The following NUP62CL variants were observed in gnomAD, a reference collection of about 807,000 sequenced individuals.
NUP62CL encodes nucleoporin 62 C-terminal like.
NUP62CL carries 13 observed loss-of-function variants against 15.3 expected under a neutral mutation model. The observed-to-expected ratio is 0.85, with a 90% CI of 0.55 to 1.35. The LOEUF (loss-of-function observed/expected upper bound fraction) is 1.35. Among genes scored for constraint, NUP62CL ranks in the 40% most tolerant of loss-of-function variants. NUP62CL has a pLI of 0.00. For synonymous variants in NUP62CL, 54 were observed against 49.2 expected (o/e 1.10, Z -0.41); for missense variants, 123 against 130.6 (o/e 0.94, Z 0.28).
chrX:107,141,038 G>A (rs752076702), intron 8 of NUP62CL, among the ~76,000 whole-genome samples: 8 of 112,426 alleles, frequency 7.1e-5, no homozygotes, highest in Non-Finnish European at 1.1e-4. Flanking sequence ...ATTTCATCTG[G>A]GGAGTCTCTC....
chrX:107,200,979 G>A (rs6523931), intron 1 of NUP62CL, among the ~76,000 whole-genome samples: 40,530 of 109,966 alleles, frequency 0.37, 8,111 homozygotes, highest in African/African-American at 0.77. Context: ...ACCTTTTACA[G>A]ACATGCAAGT....
chrX:107,170,627 T>C (rs748438390), intron 3 of NUP62CL, among the ~76,000 whole-genome samples: 31 of 110,977 alleles, frequency 2.8e-4, no homozygotes, highest in African/African-American at 9.8e-4. Context: ...TTAGCCAGGA[T>C]GGTCTTGATC....
intron 2 of NUP62CL, among the ~76,000 whole-genome samples, chrX:107,184,244 T>G (rs1926983758): frequency 9.8e-6 from 1 of 102,147 alleles, no homozygotes; most frequent in African/African-American, 3.6e-5. Context: ...CAACAAACAA[T>G]TATTAACACA....
intron 4 of NUP62CL, among the ~76,000 whole-genome samples, chrX:107,157,734 C>A (rs1305467568): frequency 9.1e-5 from 10 of 109,803 alleles, no homozygotes; most frequent in South Asian, 4.0e-4. Context: ...CGAGCAAAAT[C>A]ACCAGCTAAC....
At chrX:107,162,505 T>C (rs754760819) in intron 4 of NUP62CL, among the ~76,000 whole-genome samples, 9 of 111,146 alleles carry the variant, frequency 8.1e-5, no homozygotes, top group Non-Finnish European at 1.5e-4. Flanking sequence ...ATGCATTACT[T>C]AAAAGGGAGT....
intron 4 of NUP62CL, among the ~76,000 whole-genome samples, chrX:107,163,190 C>T (rs957493182): frequency 6.3e-5 from 7 of 111,648 alleles, no homozygotes; most frequent in African/African-American, 2.3e-4. Context: ...TCAATGTACA[C>T]AGAAGAAATG....
At chrX:107,162,847 A>G (rs1926421844) in intron 4 of NUP62CL, among the ~76,000 whole-genome samples, 1 of 111,709 alleles carries the variant, frequency 9.0e-6, no homozygotes, top group Non-Finnish European at 1.9e-5. Context: ...ATCATCAGGC[A>G]TTAGATTCTC....
At position 107,153,197 on chromosome X, in the gene NUP62CL, C is replaced by T. The variant is rs1382494026; in HGVS notation, c.505G>A (p.Asp169Asn). 3 of 1,205,677 alleles carry T rather than the reference C, an allele frequency of 2.5e-6. No individual in the cohort carries two copies. The highest frequency in any genetic ancestry group is 1.7e-5 in the African/African-American group (1 of 57,536). ...RDQSGLHYLQDADEEHVEIST... is the reference protein window; with the variant it reads ...RDQSGLHYLQNADEEHVEIST... ...ATCTCCACATGCTCCTCATCTGCAT[C>T]CTGCAGATAATGAAGTCCACTCTGG... The change falls in exon 7 of 9, where the codon GAT (aspartate) becomes AAT (asparagine). Residue 169 changes from aspartate (D) to asparagine (N), a missense_variant. Asp to Asn is a conservative substitution (Grantham distance 23). Coordinates refer to ENST00000372466, the MANE Select transcript of NUP62CL (RefSeq NM_017681.3).
At chrX:107,178,349 T>G (rs760119722) in intron 2 of NUP62CL, among the ~76,000 whole-genome samples, 1 of 111,940 alleles carries the variant, frequency 8.9e-6, no homozygotes, top group East Asian at 2.8e-4. Context: ...AGGTCTGGAA[T>G]AAATTTTCAG....
At chrX:107,158,995 C>T (rs1319894987) in intron 4 of NUP62CL, among the ~76,000 whole-genome samples, 1 of 37,198 alleles carries the variant, frequency 2.7e-5, no homozygotes, top group Non-Finnish European at 3.7e-5. Context: ...GAGAATACTA[C>T]AAACACCTCT....
At chrX:107,135,605 A>G (rs1313709088) in intron 8 of NUP62CL, among the ~76,000 whole-genome samples, 2 of 111,313 alleles carry the variant, frequency 1.8e-5, no homozygotes, top group Non-Finnish European at 3.8e-5. Context: ...TTCTCTGGAA[A>G]CCTACTAGGC....
intron 4 of NUP62CL, among the ~76,000 whole-genome samples, chrX:107,165,264 C>G (rs1440483983): frequency 9.1e-6 from 1 of 109,332 alleles, no homozygotes; most frequent in Admixed American, 9.7e-5. Context: ...AAGATCTTGA[C>G]ACTGCACTCT....
Position 107,124,304 on chromosome X carries a change from T to A in NUP62CL, c.*71A>T, listed in dbSNP as rs1030359716. 5.9e-6 allele frequency: 2 copies of A among 339,849 alleles called. No homozygotes were observed. Among genetic ancestry groups the A allele is most frequent in the Non-Finnish European group, 1.2e-5 (2 of 169,778 alleles). 28.0% of individuals were successfully genotyped at this position (339,849 alleles called of 1,213,427 possible). ...GACGATAATCCTCGAAAACCCGTGT[T>A]ACCACTTCTACCTTCCTTCGCAGCA... On this transcript the variant is annotated 3_prime_UTR_variant, in exon 9 of 9. Transcript: ENST00000372466.
intron 1 of NUP62CL, among the ~76,000 whole-genome samples, chrX:107,198,778 G>A (rs771081832): frequency 2.2e-3 from 246 of 111,859 alleles, no homozygotes; most frequent in Middle Eastern, 4.6e-3. Context: ...AGGAAACTCC[G>A]GACACACCAT....
chrX:107,146,330 C>A (rs1160781734), intron 8 of NUP62CL, among the ~76,000 whole-genome samples: 1 of 111,773 alleles, frequency 8.9e-6, no homozygotes, highest in African/African-American at 3.2e-5. Context: ...TGCAAAATGG[C>A]TCTTTTCCTC....
chrX:107,126,302 A>G (rs921809561), intron 8 of NUP62CL, among the ~76,000 whole-genome samples: 1 of 112,236 alleles, frequency 8.9e-6, no homozygotes, highest in South Asian at 3.7e-4. Context: ...TAAGATGGCA[A>G]TTCTCCACAA....
chrX:107,155,715 C>T, intron 4 of NUP62CL, among the ~76,000 whole-genome samples: 1 of 112,251 alleles, frequency 8.9e-6, no homozygotes, highest in Non-Finnish European at 1.9e-5. Context: ...CTAGACTTTC[C>T]TAACATAATA....
chrX:107,152,137 T>TAG lies in NUP62CL; in HGVS notation c.530+1034_530+1035insCT, dbSNP rs146803232. Among the ~76,000 whole-genome samples the TAG allele has an allele frequency of 1.3e-3, 96 of 73,552 alleles. 4 individuals are homozygous for TAG. Among genetic ancestry groups the TAG allele is most frequent in the African/African-American group, 5.9e-3 (89 of 15,068 alleles). 63.9% of individuals were successfully genotyped at this position (73,552 alleles called of 115,157 possible). A position where few individuals can be genotyped will look rare whatever the true frequency, so the allele number is the denominator to read the frequency against. On this transcript the variant is annotated intron_variant, in intron 7 of 8. Coordinates refer to ENST00000372466, the MANE Select transcript of NUP62CL (RefSeq NM_017681.3). ...ATTCAGATATATATATATATTCAGA[T>TAG]ATATATATATTCAGATATATATATA...
chrX:107,136,270 T>C (rs1403464428), intron 8 of NUP62CL, among the ~76,000 whole-genome samples: 1 of 110,562 alleles, frequency 9.0e-6, no homozygotes, highest in Non-Finnish European at 1.9e-5. Flanking sequence ...ATTAAAAGGG[T>C]AAAAAGGAAA....
Sources: gnomAD v4.1 joint callset for allele counts (sites outside exome capture counted in the v4.1 genomes callset) on GRCh38, gnomAD v4.1.1 for gene constraint, MANE v1.5 for transcripts, NCBI Gene and HGNC (gene_info 2026-07-23, HGNC 2026-07-21) for gene names.